The following MFGE8 variants were observed in gnomAD, a reference collection of about 807,000 sequenced individuals.
The protein encoded by MFGE8 is lactadherin.
A neutral mutation model predicts 42.6 loss-of-function variants in MFGE8; 34 were observed. The ratio of observed to expected loss-of-function variants is 0.80; its 90% CI spans 0.61 to 1.06. The LOEUF (loss-of-function observed/expected upper bound fraction) is 1.06, where lower values mean the gene tolerates loss of function less well. Among genes scored for constraint, MFGE8 ranks in the 50% least tolerant of loss-of-function variants. The pLI is 0.00. For missense variants in MFGE8, 510 were observed against 516.9 expected, an observed-to-expected ratio of 0.99 and a Z score of 0.13; for synonymous variants, 230 against 214.8, an observed-to-expected ratio of 1.07 and a Z score of -0.62.
Position 88,906,330 on chromosome 15 carries a change from T to C in MFGE8, c.540+296A>G. Reference sequence around the variant, plus strand: ...AGTGTACAACCTACACAACTGTACATGTACCCATGAAGGCTCAGAATGAAA... The same window carrying C: ...AGTGTACAACCTACACAACTGTACACGTACCCATGAAGGCTCAGAATGAAA... On this transcript the variant is annotated intron_variant, in intron 4 of 7. Coordinates refer to ENST00000268150, the MANE Select transcript of MFGE8 (RefSeq NM_005928.4). The surrounding 1 kb of genome is among the most constrained non-coding windows in gnomAD (Gnocchi z 4.2). 8 of 481,856 alleles carry C rather than the reference T, an allele frequency of 1.7e-5. No individual in the cohort carries two copies. Among genetic ancestry groups the C allele is most frequent in the South Asian group, 1.4e-4 (7 of 49,352 alleles). The allele number at this position is 481,856 out of a possible 1,614,324, so 29.8% of individuals were successfully genotyped here.
intron 6 of MFGE8, chr15:88,900,762 G>C (rs1386785265): frequency 1.0e-6 from 1 of 985,246 alleles, no homozygotes; most frequent in African/African-American, 1.7e-5. Flanking sequence ...TTGTTTCCTA[G>C]TTTCAATGAC....
chr15:88,910,023 C>T (rs1898886028), intron 1 of MFGE8, 100 bp from the exon 2 acceptor site: 3 of 1,438,274 alleles, frequency 2.1e-6, no homozygotes, highest in Non-Finnish European at 2.9e-6. Flanking sequence ...ACCCTCCACT[C>T]AAACTCGCCC....
At chr15:88,901,003 T>TCA (rs72223129) in intron 6 of MFGE8, among the ~76,000 whole-genome samples, 73 of 72,266 alleles carry the variant, frequency 1.0e-3, no homozygotes, top group Non-Finnish European at 1.7e-3. Context: ...ACACACACAT[T>TCA]CACACACACA....
intron 1 of MFGE8, chr15:88,910,548 A>G: frequency 6.0e-6 from 1 of 168,038 alleles, no homozygotes; most frequent in Non-Finnish European, 1.3e-5. Flanking sequence ...AGAGGCCAGC[A>G]AGTCCACAGA....
chr15:88,900,067 C>T (rs1348233522), intron 6 of MFGE8, among the ~76,000 whole-genome samples: 2 of 151,896 alleles, frequency 1.3e-5, no homozygotes, highest in Admixed American at 1.3e-4. Flanking sequence ...ATGGTGAAAC[C>T]CCGTCTCTAC....
intron 1 of MFGE8, chr15:88,910,576 C>A (rs1462771058): frequency 1.8e-5 from 3 of 162,290 alleles, no homozygotes; most frequent in Admixed American, 1.7e-4. Context: ...GATTGCCCAA[C>A]GCTCCAGAAG....
chr15:88,899,452 G>A lies in MFGE8; in HGVS notation c.1107C>T (p.Ile369=). ...TGCGGTTGTGCCAGGCTACAGGCAG[G>A]ATGCGCACATAGCGAGCCAGGATGG... ...ETPILARYVR[I]LPVAWHNRIA... The change falls in exon 8 of 8, where the codon ATC becomes ATT. Residue 369 remains isoleucine (I), a synonymous_variant. Coordinates refer to ENST00000268150, the MANE Select transcript of MFGE8 (RefSeq NM_005928.4). This position sits in a 1 kb window ranked among gnomAD's most constrained non-coding sequence, Gnocchi z 6.8. 6.2e-7 allele frequency: 1 copy of A among 1,614,250 alleles called. No homozygotes were observed. The highest frequency in any genetic ancestry group is 8.5e-7 in the Non-Finnish European group (1 of 1,180,042).
chr15:88,907,705 G>GTC (rs1555414366), intron 2 of MFGE8, among the ~76,000 whole-genome samples: 4 of 75,950 alleles, frequency 5.3e-5, no homozygotes, highest in Non-Finnish European at 1.1e-4. Context: ...GGAAAGTAGA[G>GTC]TCCCCCCCGC....
chr15:88,909,726 TG>T, intron 2 of MFGE8, 65 bp downstream of exon 2: 1 of 1,608,350 alleles, frequency 6.2e-7, no homozygotes, highest in Non-Finnish European at 8.5e-7. Flanking sequence ...ATATGGCCTA[TG>T]CCACCAGGGC....
chr15:88,901,007 A>ACACACATT (rs1555460884), intron 6 of MFGE8, among the ~76,000 whole-genome samples: 16 of 145,866 alleles, frequency 1.1e-4, no homozygotes, highest in Non-Finnish European at 1.7e-4. Context: ...ACACATTCAC[A>ACACACATT]CACACACACA....
intron 2 of MFGE8, among the ~76,000 whole-genome samples, chr15:88,909,028 C>G (rs1334061232): frequency 6.6e-6 from 1 of 152,206 alleles, no homozygotes; most frequent in African/African-American, 2.4e-5. Flanking sequence ...ACCTAGGACC[C>G]CCCGCTCCAC....
rs1192022285 is a variant in MFGE8 at position 88,905,437 on chromosome 15, C to A, written c.685+320G>T. On this transcript the variant is annotated intron_variant, in intron 5 of 7. Coordinates refer to ENST00000268150, the MANE Select transcript of MFGE8 (RefSeq NM_005928.4). The surrounding 1 kb of genome is among the most constrained non-coding windows in gnomAD (Gnocchi z 6.6). Reference sequence around the variant, plus strand: ...TTCTCTGCCCTCGTAAAGCTGACATCTGCCAAACACACCTAACGCTACATG... The same window carrying A: ...TTCTCTGCCCTCGTAAAGCTGACATATGCCAAACACACCTAACGCTACATG... 1 of 542,278 alleles carries A rather than the reference C, an allele frequency of 1.8e-6. No individual in the cohort carries two copies. 33.6% of individuals were successfully genotyped at this position (542,278 alleles called of 1,614,324 possible). A position where few individuals can be genotyped will look rare whatever the true frequency, so the allele number is the denominator to read the frequency against.
chr15:88,911,455 G>T (rs1031251275), intron 1 of MFGE8, among the ~76,000 whole-genome samples: 3 of 152,208 alleles, frequency 2.0e-5, no homozygotes, highest in Admixed American at 6.5e-5. Flanking sequence ...GGGCATGGTG[G>T]CTCACACCTG....
At chr15:88,912,031 A>G (rs1898985610) in intron 1 of MFGE8, 1 of 1,027,080 alleles carries the variant, frequency 9.7e-7, no homozygotes, top group Non-Finnish European at 1.3e-6. Flanking sequence ...TTCCCTCCCA[A>G]CTGCACCGGC....
At chr15:88,912,467 A>C (rs1480971725) in intron 1 of MFGE8, 1 of 985,226 alleles carries the variant, frequency 1.0e-6, no homozygotes. Context: ...AAAATGATGG[A>C]GGGGCCACCT....
chr15:88,906,419 C>T lies in MFGE8; in HGVS notation c.540+207G>A. 1.6e-6 allele frequency: 1 copy of T among 610,982 alleles called. No individual in the cohort carries two copies. 37.8% of individuals were successfully genotyped at this position (610,982 alleles called of 1,614,324 possible). On this transcript the variant is annotated intron_variant, in intron 4 of 7. Transcript: ENST00000268150. The surrounding 1 kb of genome is among the most constrained non-coding windows in gnomAD (Gnocchi z 4.2). ...GTGCCATTTTGAATCTCACTAGTCT[C>T]ATCTCTAAAGTGGGACTATTGCTTA... is the stretch of plus-strand genomic sequence containing the variant.
rs1354914459 is a variant in MFGE8, at chr15:88,909,900, G to C, written c.97C>G (p.His33Asp). 1 of 1,614,068 alleles carries C rather than the reference G, an allele frequency of 6.2e-7. No homozygotes were observed. Among genetic ancestry groups the C allele is most frequent in the Non-Finnish European group, 8.5e-7 (1 of 1,180,038 alleles). ...ATCTCCTCGCATAAACCACCGTTGT[G>C]GCAGGGGTTTTTGGAACAGATATCT... ...ALDICSKNPC[H>D]NGGLCEEISQ... The change falls in exon 2 of 8, where the codon CAC becomes GAC. Residue 33 changes from histidine to aspartate, a missense_variant. By Grantham distance (81) the His-to-Asp change is moderately conservative. Coordinates refer to ENST00000268150, the MANE Select transcript of MFGE8 (RefSeq NM_005928.4).
In MFGE8 at chr15:88,899,763, C is replaced by T; in HGVS notation, c.919G>A (p.Ala307Thr). 1 of 1,614,082 alleles carries T rather than the reference C, an allele frequency of 6.2e-7. No homozygotes were observed. Among genetic ancestry groups the T allele is most frequent in the Non-Finnish European group, 8.5e-7 (1 of 1,179,968 alleles). The stretch of plus-strand genomic sequence containing the variant: ...AACTGGACAGAGCCAAAGTTACGGG[C>T]CCCCTGGGTGATGATGCCTGTCACC... Reference protein sequence around the residue: ...KEVTGIITQGARNFGSVQFVA... With the variant: ...KEVTGIITQGTRNFGSVQFVA... The change falls in exon 7 of 8, where the codon GCC (alanine) becomes ACC (threonine). Residue 307 changes from alanine to threonine, a missense_variant. Coordinates refer to ENST00000268150, the MANE Select transcript of MFGE8 (RefSeq NM_005928.4). The surrounding 1 kb of genome is among the most constrained non-coding windows in gnomAD (Gnocchi z 6.8).
chr15:88,910,624 G>C (rs1390466292), intron 1 of MFGE8: 2 of 153,858 alleles, frequency 1.3e-5, no homozygotes, highest in African/African-American at 4.8e-5. Context: ...ATTTCTGCTG[G>C]GGAATTAGAA....
Sources: gnomAD v4.1 joint callset for allele counts (sites outside exome capture counted in the v4.1 genomes callset) on GRCh38, gnomAD v4.1.1 for gene constraint, Gnocchi (gnomAD v3.1) non-coding constraint, MANE v1.5 for transcripts, NCBI Gene and HGNC (gene_info 2026-07-23, HGNC 2026-07-21) for gene names.